The following C10orf143 variants were observed in gnomAD, a reference collection of about 807,000 sequenced individuals.
C10orf143 encodes uncharacterized protein C10orf143.
At chr10:130,046,526 C>A (rs1194619072) in intron 3 of C10orf143, among the ~76,000 whole-genome samples, 1 of 152,202 alleles carries the variant, frequency 6.6e-6, no homozygotes, top group Non-Finnish European at 1.5e-5. Context: ...TTCTTCATAA[C>A]CGAAGTGTGT....
At chr10:130,107,425 T>C (rs1861671436) in intron 1 of C10orf143, 1 of 1,289,932 alleles carries the variant, frequency 7.8e-7, no homozygotes, top group Non-Finnish European at 1.1e-6. Context: ...AGGCACATCA[T>C]AACTGGTTGG....
chr10:130,103,071 C>T (rs530658548), intron 1 of C10orf143, among the ~76,000 whole-genome samples: 17 of 151,642 alleles, frequency 1.1e-4, no homozygotes, highest in African/African-American at 3.4e-4. Flanking sequence ...CTCTGCCTCC[C>T]GGGCTCAAGC....
intron 1 of C10orf143, chr10:130,107,055 A>G (rs765508433): frequency 6.9e-7 from 1 of 1,447,538 alleles, no homozygotes; most frequent in South Asian, 1.1e-5. Context: ...ATTTATATCC[A>G]GTTACCTGAA....
intron 3 of C10orf143, among the ~76,000 whole-genome samples, chr10:130,058,280 T>G (rs781746462): frequency 2.0e-5 from 3 of 152,056 alleles, no homozygotes; most frequent in Non-Finnish European, 2.9e-5. Flanking sequence ...GATGCTGGAG[T>G]GGAGGCCAGG....
chr10:130,069,805 T>A (rs1047726370), intron 3 of C10orf143, among the ~76,000 whole-genome samples: 1 of 152,150 alleles, frequency 6.6e-6, no homozygotes, highest in Non-Finnish European at 1.5e-5. Flanking sequence ...AATTATACCA[T>A]CTGGAAATAA....
chr10:130,090,288 G>A (rs1042298893), intron 1 of C10orf143, among the ~76,000 whole-genome samples: 15 of 152,008 alleles, frequency 9.9e-5, no homozygotes, highest in South Asian at 2.1e-4. Flanking sequence ...GTGGGGCATC[G>A]CCTAACCCGG....
intron 3 of C10orf143, among the ~76,000 whole-genome samples, chr10:130,070,695 A>G (rs1861016043): frequency 6.6e-6 from 1 of 152,170 alleles, no homozygotes; most frequent in Admixed American, 6.5e-5. Flanking sequence ...CCTTTAGTAG[A>G]TATATATCAA....
chr10:130,074,611 AC>A (rs1861085819), intron 3 of C10orf143, among the ~76,000 whole-genome samples: 1 of 152,154 alleles, frequency 6.6e-6, no homozygotes, highest in East Asian at 1.9e-4. Flanking sequence ...CACTGCAGGC[AC>A]CAGAGGAGGG....
chr10:130,109,347 C>T (rs1276442378), intron 1 of C10orf143, among the ~76,000 whole-genome samples: 1 of 152,116 alleles, frequency 6.6e-6, no homozygotes, highest in South Asian at 2.1e-4. Flanking sequence ...AGGGTGACAC[C>T]CAGGGGATGG....
intron 3 of C10orf143, among the ~76,000 whole-genome samples, chr10:130,041,899 C>A (rs1312077241): frequency 6.6e-6 from 1 of 152,218 alleles, no homozygotes; most frequent in African/African-American, 2.4e-5. Context: ...CACACACACA[C>A]ATGCACACAC....
intron 1 of C10orf143, chr10:130,107,061 C>G: frequency 6.7e-7 from 1 of 1,489,352 alleles, no homozygotes; most frequent in Non-Finnish European, 9.4e-7. Context: ...ATCCAGTTAC[C>G]TGAAATTGAT....
intron 3 of C10orf143, among the ~76,000 whole-genome samples, chr10:130,044,651 T>G (rs1391220835): frequency 6.6e-6 from 1 of 152,070 alleles, no homozygotes; most frequent in Non-Finnish European, 1.5e-5. Flanking sequence ...GGCTCTTAAA[T>G]CCCATTTGGC....
intron 1 of C10orf143, among the ~76,000 whole-genome samples, chr10:130,087,029 A>T (rs1000127734): frequency 6.6e-6 from 1 of 152,204 alleles, no homozygotes. Flanking sequence ...TCTGCCACCA[A>T]GGCGAGCAGA....
chr10:130,087,819 G>A (rs1861316588), intron 1 of C10orf143, among the ~76,000 whole-genome samples: 1 of 152,176 alleles, frequency 6.6e-6, no homozygotes, highest in Non-Finnish European at 1.5e-5. Flanking sequence ...CACGGAGCAG[G>A]GTGAGCAGAG....
chr10:130,103,544 T>C (rs1026737333), intron 1 of C10orf143, among the ~76,000 whole-genome samples: 6 of 152,058 alleles, frequency 3.9e-5, no homozygotes, highest in African/African-American at 1.2e-4. Context: ...CGGTGGCTCA[T>C]GCCTGTAATC....
At chr10:130,105,220 G>C (rs547618155) in intron 1 of C10orf143, among the ~76,000 whole-genome samples, 5 of 152,110 alleles carry the variant, frequency 3.3e-5, no homozygotes, top group African/African-American at 1.2e-4. Context: ...GAGCCACTGC[G>C]CCCGGCCTGC....
At chr10:130,064,606 T>G (rs908111547) in intron 3 of C10orf143, among the ~76,000 whole-genome samples, 1 of 152,202 alleles carries the variant, frequency 6.6e-6, no homozygotes, top group Non-Finnish European at 1.5e-5. Context: ...CACAGAAGAC[T>G]TTCAATAAAT....
chr10:130,059,053 G>C (rs1860826301), downstream of C10orf143, among the ~76,000 whole-genome samples: 1 of 152,214 alleles, frequency 6.6e-6, no homozygotes. Flanking sequence ...CAATGGAAAA[G>C]ATGTGGTTAG....
chr10:130,077,470 A>G (rs1266001753), intron 3 of C10orf143, among the ~76,000 whole-genome samples: 1 of 152,238 alleles, frequency 6.6e-6, no homozygotes, highest in Non-Finnish European at 1.5e-5. Flanking sequence ...TAAGTTTCCC[A>G]TTAGGAATTC....
Sources: allele counts gnomAD v4.1 joint callset (sites outside exome capture counted in the v4.1 genomes callset), GRCh38; gene constraint gnomAD v4.1.1; transcripts MANE v1.5; gene names NCBI Gene and HGNC (gene_info 2026-07-23, HGNC 2026-07-21).